PRDM16: variants seen among roughly 807,000 people sequenced by gnomAD.
The protein encoded by PRDM16 is histone-lysine N-methyltransferase PRDM16.
A neutral mutation model predicts 110.6 loss-of-function variants in PRDM16; 23 were observed. The ratio of observed to expected loss-of-function variants is 0.21; its 90% CI spans 0.15 to 0.29. The LOEUF (loss-of-function observed/expected upper bound fraction) is 0.29. Among genes scored for constraint, PRDM16 ranks in the 10% least tolerant of loss-of-function variants. PRDM16 has a pLI of 1.00. For synonymous variants in PRDM16, 799 were observed against 781.8 expected, an observed-to-expected ratio of 1.02 and a Z score of -0.37; for missense variants, 1,615 against 1,794.3, an observed-to-expected ratio of 0.90 and a Z score of 1.81.
intron 1 of PRDM16, among the ~76,000 whole-genome samples, chr1:3,140,401 C>T (rs1290388735): frequency 2.0e-5 from 3 of 152,128 alleles, no homozygotes; most frequent in Admixed American, 6.5e-5. Flanking sequence ...GAGGCCTTGA[C>T]GGGGCTGGGA....
chr1:3,248,051 GA>G (rs1639833273), intron 3 of PRDM16, among the ~76,000 whole-genome samples: 1 of 152,274 alleles, frequency 6.6e-6, no homozygotes, highest in Non-Finnish European at 1.5e-5. Flanking sequence ...AGGCTTTGGG[GA>G]CGAATCAAGA....
intron 1 of PRDM16, among the ~76,000 whole-genome samples, chr1:3,181,914 A>G (rs1251528825): frequency 6.6e-5 from 7 of 105,882 alleles, no homozygotes; most frequent in Admixed American, 3.1e-4. Context: ...TTACACACGC[A>G]GTCTTACACA....
chr1:3,083,382 G>A (rs1184085891), intron 1 of PRDM16, among the ~76,000 whole-genome samples: 1 of 152,232 alleles, frequency 6.6e-6, no homozygotes, highest in Non-Finnish European at 1.5e-5. Context: ...CCTGGCGCTG[G>A]CGGGGCCTGC....
chr1:3,112,907 G>A (rs1034902278), intron 1 of PRDM16, among the ~76,000 whole-genome samples: 2 of 152,260 alleles, frequency 1.3e-5, no homozygotes, highest in Non-Finnish European at 1.5e-5. Context: ...TCCTTCTTGC[G>A]GGGAGAGCCT....
intron 3 of PRDM16, among the ~76,000 whole-genome samples, chr1:3,249,731 C>T (rs1026666106): frequency 1.3e-5 from 2 of 152,174 alleles, no homozygotes; most frequent in African/African-American, 4.8e-5. Flanking sequence ...CAGTAAGCCG[C>T]GGACAAAAGG....
chr1:3,346,104 C>T (rs549801900), intron 3 of PRDM16, among the ~76,000 whole-genome samples: 12 of 152,386 alleles, frequency 7.9e-5, no homozygotes, highest in East Asian at 1.9e-4. Context: ...GGCAAGGCTG[C>T]GCTGAGCTGA....
chr1:3,325,196 T>C (rs1641860594), intron 3 of PRDM16, among the ~76,000 whole-genome samples: 2 of 152,198 alleles, frequency 1.3e-5, no homozygotes, highest in Admixed American at 1.3e-4. Flanking sequence ...AAATCTCTCA[T>C]GCCTGTGAGC....
chr1:3,249,549 GAA>G (rs5772099), intron 3 of PRDM16, among the ~76,000 whole-genome samples: 92 of 148,198 alleles, frequency 6.2e-4, no homozygotes, highest in African/African-American at 1.6e-3. Flanking sequence ...TACCAAAAAA[GAA>G]AAAAAAAAAT....
chr1:3,124,993 T>G (rs993704488), intron 1 of PRDM16, among the ~76,000 whole-genome samples: 1 of 152,250 alleles, frequency 6.6e-6, no homozygotes. Flanking sequence ...TTCAGGTTCC[T>G]GTCAGCTCCG....
At position 3,140,660 on chromosome 1, in the gene PRDM16, G is replaced by A. The variant is rs80310918; in HGVS notation, c.38-45465G>A. Among the ~76,000 whole-genome samples, 991 of 152,368 alleles carry A rather than the reference G, an allele frequency of 6.5e-3. 8 individuals carry two copies. Among genetic ancestry groups the A allele is most frequent in the Middle Eastern group, 0.02 (6 of 294 alleles). On this transcript the variant is annotated intron_variant, in intron 1 of 16. Transcript: ENST00000270722. ...TCAGGGCTGTAAAAACCGGGACAGC[G>A]TCGCCACCAGGCAGCTCCTAGAAGG...
rs1242340631 is a variant in PRDM16, at chr1:3,225,561, T to C, written c.388-18526T>C. Among the ~76,000 whole-genome samples the C allele has an allele frequency of 3.4e-3, 473 of 137,262 alleles. 1 individual carries two copies. Among genetic ancestry groups the C allele is most frequent in the African/African-American group, 0.014 (453 of 31,746 alleles). The allele number at this position is 137,262 out of a possible 152,430, so 90.0% of individuals were successfully genotyped here. A position where few individuals can be genotyped will look rare whatever the true frequency, so the allele number is the denominator to read the frequency against. On this transcript the variant is annotated intron_variant, in intron 2 of 16. Transcript: ENST00000270722. Reference sequence around the variant, plus strand: ...GTGTGTGTGTGTGTGTGTGTGTGTGTGTGTGTGTGTGTGCGCGCGCGCAGA... The same window carrying C: ...GTGTGTGTGTGTGTGTGTGTGTGTGCGTGTGTGTGTGTGCGCGCGCGCAGA...
chr1:3,415,757 G>A (rs540537632), intron 10 of PRDM16, among the ~76,000 whole-genome samples: 2 of 152,200 alleles, frequency 1.3e-5, no homozygotes, highest in Non-Finnish European at 2.9e-5. Context: ...TGCCACCCCC[G>A]CTGCCTGTCC....
intron 4 of PRDM16, 99 bp downstream of exon 4, chr1:3,385,385 G>T: frequency 1.5e-6 from 2 of 1,346,186 alleles, no homozygotes; most frequent in Non-Finnish European, 2.1e-6. Context: ...GGTTGTCTGA[G>T]CCTCTTTGGG....
chr1:3,269,791 T>A (rs34534631), intron 3 of PRDM16, among the ~76,000 whole-genome samples: 1 of 89,680 alleles, frequency 1.1e-5, no homozygotes, highest in African/African-American at 5.9e-5. Context: ...GAGGAAAGTC[T>A]CAGAGGAGGA....
At chr1:3,186,829 C>G (rs1304736626) in intron 2 of PRDM16, among the ~76,000 whole-genome samples, 1 of 152,226 alleles carries the variant, frequency 6.6e-6, no homozygotes, top group Admixed American at 6.5e-5. Flanking sequence ...GAACAGGCAG[C>G]TGCACTCCAG....
At chr1:3,263,388 C>T (rs1474453004) in intron 3 of PRDM16, among the ~76,000 whole-genome samples, 1 of 152,220 alleles carries the variant, frequency 6.6e-6, no homozygotes, top group African/African-American at 2.4e-5. Context: ...CGTGGGGCCC[C>T]CCGCAGGCCT....
At chr1:3,094,803 A>G (rs1276987414) in intron 1 of PRDM16, among the ~76,000 whole-genome samples, 1 of 152,120 alleles carries the variant, frequency 6.6e-6, no homozygotes, top group African/African-American at 2.4e-5. Flanking sequence ...CCCTGCAGCC[A>G]GGGAGGTGGG....
At chr1:3,312,993 C>T (rs1042270280) in intron 3 of PRDM16, among the ~76,000 whole-genome samples, 13 of 152,216 alleles carry the variant, frequency 8.5e-5, no homozygotes, top group African/African-American at 2.9e-4. Flanking sequence ...TCCAGGAGGC[C>T]TGGGTTTGCC....
chr1:3,362,109 G>A (rs187961436), intron 3 of PRDM16, among the ~76,000 whole-genome samples: 244 of 152,346 alleles, frequency 1.6e-3, no homozygotes, highest in African/African-American at 5.7e-3. Flanking sequence ...AGACACCTGT[G>A]TTCACTCAGT....
Sources: allele counts gnomAD v4.1 joint callset (sites outside exome capture counted in the v4.1 genomes callset), GRCh38; gene constraint gnomAD v4.1.1; transcripts MANE v1.5; gene names NCBI Gene and HGNC (gene_info 2026-07-23, HGNC 2026-07-21).